Variants in PRDM5 observed in about 807,000 individuals in gnomAD.
PRDM5 encodes PR domain zinc finger protein 5.
A neutral mutation model predicts 81.2 loss-of-function variants in PRDM5; 56 were observed. That is an observed-to-expected ratio of 0.69 (90% CI 0.56 to 0.86). The LOEUF is 0.86. Among genes scored for constraint, PRDM5 ranks in the 40% least tolerant of loss-of-function variants. The pLI is 0.00. For missense variants in PRDM5, 697 were observed against 770.1 expected (o/e 0.91, Z 1.12); for synonymous variants, 267 against 256.4 (o/e 1.04, Z -0.39).
intron 14 of PRDM5, among the ~76,000 whole-genome samples, chr4:120,726,221 C>CTACT (rs1488010043): frequency 3.3e-5 from 5 of 152,158 alleles, no homozygotes; most frequent in African/African-American, 1.2e-4. Context: ...ACAGAGAGAG[C>CTACT]TACTTATAAG....
chr4:120,763,085 C>T (rs935920474), intron 13 of PRDM5, among the ~76,000 whole-genome samples: 1 of 152,140 alleles, frequency 6.6e-6, no homozygotes, highest in Admixed American at 6.5e-5. Flanking sequence ...TTAAACGATG[C>T]TTTATTTTCC....
At chr4:120,872,005 G>A (rs1366111962) in intron 2 of PRDM5, among the ~76,000 whole-genome samples, 1 of 151,762 alleles carries the variant, frequency 6.6e-6, no homozygotes, top group Admixed American at 6.6e-5. Context: ...TCAAAAATTA[G>A]CCAGGCGTGG....
At chr4:120,777,990 A>G (rs1748435997) in intron 12 of PRDM5, among the ~76,000 whole-genome samples, 1 of 152,126 alleles carries the variant, frequency 6.6e-6, no homozygotes, top group Non-Finnish European at 1.5e-5. Flanking sequence ...AACTGGCCCT[A>G]CAGTCTCATT....
At chr4:120,737,835 A>G (rs908766993) in intron 14 of PRDM5, among the ~76,000 whole-genome samples, 8 of 152,206 alleles carry the variant, frequency 5.3e-5, no homozygotes, top group African/African-American at 1.9e-4. Context: ...AAATAAATGA[A>G]TGGATTCATA....
intron 14 of PRDM5, among the ~76,000 whole-genome samples, chr4:120,740,836 AC>A (rs1958892085): frequency 1.3e-5 from 2 of 152,142 alleles, no homozygotes; most frequent in Admixed American, 6.5e-5. Context: ...CAAACCAAAC[AC>A]ACACAATAAA....
chr4:120,784,838 A>G (rs1749532639), intron 11 of PRDM5, among the ~76,000 whole-genome samples, 160 bp downstream of exon 11: 1 of 151,974 alleles, frequency 6.6e-6, no homozygotes, highest in Non-Finnish European at 1.5e-5. Flanking sequence ...ATATAAAGCG[A>G]AAAAAAGTGA....
intron 2 of PRDM5, chr4:120,885,713 G>C (rs553446229): frequency 6.6e-6 from 1 of 151,840 alleles, no homozygotes; most frequent in Non-Finnish European, 1.5e-5. Context: ...AGAATTGCTT[G>C]AATCCAGGAG....
chr4:120,821,463 T>A (rs1755262691), intron 3 of PRDM5, 118 bp from the exon 4 acceptor site: 1 of 979,328 alleles, frequency 1.0e-6, no homozygotes, highest in South Asian at 1.6e-5. Flanking sequence ...TACTTTTTTT[T>A]ATTTCTAGTT....
intron 2 of PRDM5, among the ~76,000 whole-genome samples, chr4:120,900,477 T>A (rs1765115191): frequency 1.3e-5 from 2 of 152,174 alleles, no homozygotes; most frequent in South Asian, 4.1e-4. Context: ...AAGTAGATAT[T>A]TTATCTTCAT....
At chr4:120,867,720 G>A (rs1192659373) in intron 2 of PRDM5, among the ~76,000 whole-genome samples, 2 of 152,182 alleles carry the variant, frequency 1.3e-5, no homozygotes, top group African/African-American at 4.8e-5. Context: ...TTCCCCAAGG[G>A]AGTGTTTTTA....
intron 14 of PRDM5, among the ~76,000 whole-genome samples, chr4:120,727,620 A>G (rs190926185): frequency 3.5e-4 from 54 of 152,290 alleles, no homozygotes; most frequent in African/African-American, 1.2e-3. Context: ...GCTGAAGCAG[A>G]AAAGTATTTT....
At chr4:120,809,667 A>G (rs1753555044) in intron 8 of PRDM5, among the ~76,000 whole-genome samples, 2 of 152,216 alleles carry the variant, frequency 1.3e-5, no homozygotes, top group South Asian at 2.1e-4. Context: ...ATAATTTGGC[A>G]TTGTCATATA....
At chr4:120,791,323 A>T (rs936684671) in intron 10 of PRDM5, among the ~76,000 whole-genome samples, 1 of 152,202 alleles carries the variant, frequency 6.6e-6, no homozygotes, top group African/African-American at 2.4e-5. Context: ...CATCCCTGCA[A>T]ATCATATGTT....
chr4:120,903,760 C>G (rs1765458704), intron 2 of PRDM5, among the ~76,000 whole-genome samples: 1 of 152,172 alleles, frequency 6.6e-6, no homozygotes, highest in East Asian at 1.9e-4. Flanking sequence ...TTTACAAGGT[C>G]TGATGGTTTT....
At chr4:120,849,600 C>G (rs958378390) in intron 3 of PRDM5, among the ~76,000 whole-genome samples, 2 of 152,026 alleles carry the variant, frequency 1.3e-5, no homozygotes, top group Admixed American at 1.3e-4. Flanking sequence ...AAAAGACATG[C>G]CTGAAAATAT....
At position 120,821,190 on chromosome 4, in the gene PRDM5, T is replaced by C. The variant is rs370659691; in HGVS notation, c.456A>G (p.Gln152=). Residue 152 remains glutamine, a synonymous_variant, in exon 4 of 16, where the codon CAA becomes CAG. Transcript: ENST00000264808. Reference sequence around the variant, plus strand: ...CAATACCTTTTCTGCCCGCTGTTGATTGTCTTCTAGAATTTTCAACTTCCC... The same window carrying C: ...CAATACCTTTTCTGCCCGCTGTTGACTGTCTTCTAGAATTTTCAACTTCCC... ...KEGEVENSRR[Q]STAGRKDRLG... The C allele has an allele frequency of 2.5e-5, 41 of 1,614,164 alleles. No individual in the cohort carries two copies. Among genetic ancestry groups the C allele is most frequent in the Middle Eastern group, 1.6e-4 (1 of 6,062 alleles).
At chr4:120,820,681 AG>A (rs1279254968) in intron 4 of PRDM5, among the ~76,000 whole-genome samples, 1 of 152,246 alleles carries the variant, frequency 6.6e-6, no homozygotes, top group African/African-American at 2.4e-5. Context: ...AAGAAGCTGC[AG>A]GTTCCCAAAA....
At chr4:120,819,208 T>G (rs896775552) in intron 4 of PRDM5, among the ~76,000 whole-genome samples, 2 of 152,236 alleles carry the variant, frequency 1.3e-5, no homozygotes, top group Non-Finnish European at 2.9e-5. Context: ...ATGCGCAGTC[T>G]AAGAAGAGGT....
In PRDM5 at chr4:120,780,603, A is replaced by C. The variant is rs115977146; in HGVS notation, c.1443+540T>G. Among the ~76,000 whole-genome samples, 1,159 of 152,250 alleles carry C rather than the reference A, an allele frequency of 7.6e-3. 15 individuals carry two copies. Among genetic ancestry groups the C allele is most frequent in the African/African-American group, 0.027 (1,110 of 41,550 alleles). On this transcript the variant is annotated intron_variant, in intron 12 of 15. Coordinates refer to ENST00000264808, the MANE Select transcript of PRDM5 (RefSeq NM_018699.4). ...ACCCAAGTAGCATAAGACACACACA[A>C]AAAAATCTCCAAATCACTATATGAA...
Sources: gnomAD v4.1 joint callset for allele counts (sites outside exome capture counted in the v4.1 genomes callset) on GRCh38, gnomAD v4.1.1 for gene constraint, MANE v1.5 for transcripts, NCBI Gene and HGNC (gene_info 2026-07-23, HGNC 2026-07-21) for gene names.